Variants in ZNF503 observed in about 807,000 individuals in gnomAD.
ZNF503 encodes zinc finger protein 503.
ZNF503 carries 15 observed loss-of-function variants against 34.4 expected under a neutral mutation model. The observed-to-expected ratio is 0.44, with a 90% CI of 0.29 to 0.67. The LOEUF (loss-of-function observed/expected upper bound fraction) is 0.67. Among genes scored for constraint, ZNF503 ranks in the 30% least tolerant of loss-of-function variants. The pLI, the probability that ZNF503 is intolerant of heterozygous loss-of-function variation, is 0.13. For missense variants in ZNF503, 1,007 were observed against 926.8 expected (o/e 1.09, Z -1.12); for synonymous variants, 580 against 456.8 (o/e 1.27, Z -3.44).
the ZNF503 span, among the ~76,000 whole-genome samples, chr10:75,319,266 T>C: frequency 1.3e-5 from 2 of 152,182 alleles, no homozygotes; most frequent in Non-Finnish European, 2.9e-5. Flanking sequence ...ATTTTCAAAA[T>C]AATGTTTGAT....
chr10:75,382,139 A>G, the ZNF503 span, among the ~76,000 whole-genome samples: 3 of 152,230 alleles, frequency 2.0e-5, no homozygotes, highest in East Asian at 5.8e-4. Flanking sequence ...AAACAAACCC[A>G]TAATTCAGTT....
chr10:75,310,527 C>T, the ZNF503 span, among the ~76,000 whole-genome samples: 8 of 152,216 alleles, frequency 5.3e-5, no homozygotes, highest in Non-Finnish European at 1.0e-4. Context: ...CATAGGGCTC[C>T]ACTCCCAGTA....
At chr10:75,359,504 T>G in the ZNF503 span, among the ~76,000 whole-genome samples, 1 of 152,228 alleles carries the variant, frequency 6.6e-6, no homozygotes, top group Non-Finnish European at 1.5e-5. Context: ...GCCAGAGTTT[T>G]AGAAGCATCT....
At chr10:75,346,443 T>C in the ZNF503 span, among the ~76,000 whole-genome samples, 1 of 150,758 alleles carries the variant, frequency 6.6e-6, no homozygotes, top group East Asian at 1.9e-4. Context: ...TTTCTTTTCT[T>C]TTTTTTTTTC....
At chr10:75,352,093 G>A in the ZNF503 span, among the ~76,000 whole-genome samples, 1 of 115,006 alleles carries the variant, frequency 8.7e-6, no homozygotes, top group African/African-American at 2.8e-5. Flanking sequence ...GTGCTCCAGA[G>A]AGCAGGGATT....
intron 1 of ZNF503, 114 bp from the exon 2 acceptor site, chr10:75,400,488 C>G: frequency 6.9e-7 from 1 of 1,440,702 alleles, no homozygotes; most frequent in Non-Finnish European, 9.1e-7. Context: ...CGAAGATCCT[C>G]CCAGCCCCAA....
the ZNF503 span, among the ~76,000 whole-genome samples, chr10:75,356,359 C>T: frequency 0.012 from 1,818 of 152,174 alleles, 37 homozygotes; most frequent in African/African-American, 0.041. Context: ...TGGGACTACA[C>T]GCACCTGCCA....
At chr10:75,383,848 T>C in the ZNF503 span, among the ~76,000 whole-genome samples, 1 of 152,230 alleles carries the variant, frequency 6.6e-6, no homozygotes, top group African/African-American at 2.4e-5. Flanking sequence ...CATCAGTCAT[T>C]GGTCTGGCAG....
rs917383944 is a variant in ZNF503, at chr10:75,400,243, G to A, written c.447C>T (p.Gly149=). The part of the protein sequence containing the change: ...SNGGGAGGAG[G]GAAGDKDTKS... ...TGGTGTCCTTGTCGCCCGCAGCACC[G>A]CCGCCGGCACCGCCCGCGCCGCCCC... Residue 149 remains glycine (G), a synonymous_variant, in exon 2 of 2, where the codon GGC becomes GGT. Transcript: ENST00000372524. The A allele has an allele frequency of 6.2e-7, 1 of 1,611,514 alleles. No homozygotes were observed.
the ZNF503 span, among the ~76,000 whole-genome samples, chr10:75,353,052 C>T: frequency 1.3e-5 from 2 of 152,212 alleles, no homozygotes; most frequent in East Asian, 1.9e-4. Context: ...GGAGAAAACA[C>T]GTCAGACCCT....
At chr10:75,347,380 C>A in the ZNF503 span, among the ~76,000 whole-genome samples, 2 of 78,114 alleles carry the variant, frequency 2.6e-5, no homozygotes, top group Non-Finnish European at 5.0e-5. Context: ...CATCTGGGCC[C>A]GCAGGGCTGA....
At chr10:75,372,735 C>G in the ZNF503 span, among the ~76,000 whole-genome samples, 1 of 152,228 alleles carries the variant, frequency 6.6e-6, no homozygotes, top group South Asian at 2.1e-4. Flanking sequence ...GACCCCCAAT[C>G]CAAGCCCGAG....
the ZNF503 span, among the ~76,000 whole-genome samples, chr10:75,290,383 C>G: frequency 1.3e-5 from 2 of 152,188 alleles, no homozygotes; most frequent in African/African-American, 4.8e-5. Flanking sequence ...GTTGGCCTCT[C>G]CATGTGAACT....
At chr10:75,390,121 T>C in the ZNF503 span, among the ~76,000 whole-genome samples, 1 of 151,862 alleles carries the variant, frequency 6.6e-6, no homozygotes, top group African/African-American at 2.4e-5. Context: ...ATGGTCTCGA[T>C]CTCCTGACCT....
At position 75,399,939 on chromosome 10, in the gene ZNF503, C is replaced by T. The variant is rs547646010; in HGVS notation, c.751G>A (p.Gly251Ser). 24 of 1,606,580 alleles carry T rather than the reference C, an allele frequency of 1.5e-5. No homozygotes were observed. The highest frequency in any genetic ancestry group is 6.7e-5 in the East Asian group (3 of 44,824). ...MLSSAGGAPE[G>S]KDDKKDTDVG... ...TCGGTGTCTTTCTTGTCGTCCTTGC[C>T]CTCCGGGGCACCCCCGGCCGAGGAC... The change falls in exon 2 of 2, where the codon GGC becomes AGC. Residue 251 changes from glycine (G) to serine (S), a missense_variant. By Grantham distance (56) the Gly-to-Ser change is moderately conservative. Transcript: ENST00000372524.
chr10:75,356,698 A>G, the ZNF503 span, among the ~76,000 whole-genome samples: 5 of 152,136 alleles, frequency 3.3e-5, no homozygotes, highest in Non-Finnish European at 1.5e-5. Flanking sequence ...CCATAGCTGC[A>G]TTGCCTTTCA....
At chr10:75,365,538 G>A in the ZNF503 span, among the ~76,000 whole-genome samples, 1 of 152,184 alleles carries the variant, frequency 6.6e-6, no homozygotes, top group African/African-American at 2.4e-5. Context: ...GTGTATTTCA[G>A]GTCAGAAGAA....
chr10:75,305,941 TAAGTG>T, the ZNF503 span, among the ~76,000 whole-genome samples: 1 of 152,222 alleles, frequency 6.6e-6, no homozygotes, highest in Non-Finnish European at 1.5e-5. Flanking sequence ...CATAAGTGGT[TAAGTG>T]GACAGTTGGA....
the ZNF503 span, among the ~76,000 whole-genome samples, chr10:75,341,806 T>C: frequency 2.0e-5 from 3 of 152,222 alleles, no homozygotes; most frequent in Non-Finnish European, 4.4e-5. Flanking sequence ...TTTCAATTAC[T>C]AAGTTTGTGC....
Sources: gnomAD v4.1 joint callset for allele counts (sites outside exome capture counted in the v4.1 genomes callset) on GRCh38, gnomAD v4.1.1 for gene constraint, MANE v1.5 for transcripts, NCBI Gene and HGNC (gene_info 2026-07-23, HGNC 2026-07-21) for gene names.